Variants in VIL1 observed in about 807,000 individuals in gnomAD.
VIL1 encodes villin-1.
A neutral mutation model predicts 104.0 loss-of-function variants in VIL1; 86 were observed. The ratio of observed to expected loss-of-function variants is 0.83; its 90% CI spans 0.69 to 0.99. VIL1 has a LOEUF of 0.99. VIL1 is among the 50% of genes least tolerant of loss of function. The pLI is 0.00. For missense variants in VIL1, 944 were observed against 1,054.1 expected (o/e 0.90, Z 1.45); for synonymous variants, 394 against 412.6 (o/e 0.95, Z 0.55).
chr2:218,430,672 G>C (rs775657067), intron 9 of VIL1, 53 bp from the exon 10 acceptor site: 3 of 1,528,458 alleles, frequency 2.0e-6, no homozygotes, highest in Non-Finnish European at 2.6e-6. Context: ...GCTTGCATTG[G>C]GAGTGGGGAC....
At chr2:218,444,069 A>T (rs1188755850) in intron 19 of VIL1, among the ~76,000 whole-genome samples, 1 of 152,024 alleles carries the variant, frequency 6.6e-6, no homozygotes. Context: ...TGGTTCAAGC[A>T]ATTCTCCTGC....
chr2:218,448,313 C>T (rs373848414), intron 19 of VIL1, among the ~76,000 whole-genome samples: 39 of 151,984 alleles, frequency 2.6e-4, no homozygotes, highest in African/African-American at 7.7e-4. Flanking sequence ...GCCTGTAATC[C>T]CAGCATTTTG....
chr2:218,450,371 A>T lies in VIL1; in HGVS notation c.*1035A>T, dbSNP rs14998. On this transcript the variant is annotated 3_prime_UTR_variant, in exon 20 of 20. Coordinates refer to ENST00000248444, the MANE Select transcript of VIL1 (RefSeq NM_007127.3). ...GAGGAACAGTTCTGCTAAAACACAG[A>T]TAAAAGTGCCGCTCCATACAAAACA... The T allele has an allele frequency of 1.3e-5, 2 of 152,676 alleles. No individual in the cohort carries two copies. The highest frequency in any genetic ancestry group is 2.4e-5 in the African/African-American group (1 of 41,474). The allele number at this position is 152,676 out of a possible 1,614,324, so 9.5% of individuals were successfully genotyped here.
At chr2:218,448,645 G>A (rs952969987) in intron 19 of VIL1, among the ~76,000 whole-genome samples, 6 of 151,856 alleles carry the variant, frequency 4.0e-5, no homozygotes, top group African/African-American at 7.3e-5. Flanking sequence ...TTGGGCTAAT[G>A]TGAACTTGAC....
chr2:218,431,958 G>A lies in VIL1; in HGVS notation c.1203+1G>A. ...AGATGATGGGAGTGGGGAAGTGCAG[G>A]TATGTGAGGGCAGAGAGGCCCGTGC... is the stretch of plus-strand genomic sequence containing the variant. On this transcript the variant is annotated splice_donor_variant, in intron 11 of 19. Coordinates refer to ENST00000248444, the MANE Select transcript of VIL1 (RefSeq NM_007127.3). LOFTEE classifies it high-confidence loss of function. 6.2e-7 allele frequency: 1 copy of A among 1,614,020 alleles called. No individual in the cohort carries two copies. Among genetic ancestry groups the A allele is most frequent in the Non-Finnish European group, 8.5e-7 (1 of 1,180,002 alleles).
chr2:218,423,897 G>A (rs756377375), intron 2 of VIL1, 44 bp downstream of exon 2: 2 of 1,609,246 alleles, frequency 1.2e-6, no homozygotes, highest in Non-Finnish European at 8.5e-7. Context: ...GCCTGGGGTG[G>A]AGGGAGGCAA....
At chr2:218,424,372 G>A (rs1454243449) in intron 3 of VIL1, 21 bp downstream of exon 3, 7 of 1,612,554 alleles carry the variant, frequency 4.3e-6, no homozygotes, top group Non-Finnish European at 5.1e-6. Context: ...GGCAGGGGAG[G>A]GGGCTGAGCA....
In VIL1 at chr2:218,450,969, C is replaced by T. The variant is rs574582033; in HGVS notation, c.*1633C>T. On this transcript the variant is annotated 3_prime_UTR_variant, in exon 20 of 20. Transcript: ENST00000248444. ...ATGAGACTGCCTGAAGTCTAGTAAT[C>T]AAAGCATGCCATAAGGTGAATGATT... is the stretch of plus-strand genomic sequence containing the variant. 3 of 152,264 alleles carry T rather than the reference C, an allele frequency of 2.0e-5. No individual in the cohort carries two copies. Among genetic ancestry groups the T allele is most frequent in the Admixed American group, 1.3e-4 (2 of 15,302 alleles). The allele number at this position is 152,264 out of a possible 1,614,324, so 9.4% of individuals were successfully genotyped here.
chr2:218,423,403 G>A (rs1399080417), intron 1 of VIL1, among the ~76,000 whole-genome samples: 1 of 151,980 alleles, frequency 6.6e-6, no homozygotes, highest in Non-Finnish European at 1.5e-5. Flanking sequence ...TCAAAAAGAA[G>A]AAGAAGAAAA....
chr2:218,434,152 G>A (rs1187278666), intron 13 of VIL1, among the ~76,000 whole-genome samples: 1 of 138,532 alleles, frequency 7.2e-6, no homozygotes, highest in African/African-American at 2.7e-5. Context: ...AGCTGAGATA[G>A]TGCCATTGCA....
chr2:218,420,286 G>A (rs1688877247), intron 1 of VIL1, among the ~76,000 whole-genome samples: 1 of 151,852 alleles, frequency 6.6e-6, no homozygotes, highest in Non-Finnish European at 1.5e-5. Context: ...ATAATTAGCT[G>A]GGTGTGCTCG....
intron 1 of VIL1, among the ~76,000 whole-genome samples, chr2:218,419,687 G>C (rs1289351058): frequency 6.6e-6 from 1 of 152,222 alleles, no homozygotes; most frequent in Non-Finnish European, 1.5e-5. Context: ...GGCACACACA[G>C]AGGCAAGGGC....
At chr2:218,424,464 C>A (rs1325693653) in intron 3 of VIL1, 113 bp downstream of exon 3, 4 of 1,147,400 alleles carry the variant, frequency 3.5e-6, no homozygotes, top group East Asian at 4.8e-5. Flanking sequence ...CCCCAAGACA[C>A]AATTTACTGG....
intron 4 of VIL1, among the ~76,000 whole-genome samples, chr2:218,426,792 C>A (rs1360891967): frequency 6.6e-6 from 1 of 151,980 alleles, no homozygotes; most frequent in Non-Finnish European, 1.5e-5. Flanking sequence ...TTAGTAGAGA[C>A]AGGGTTTCAC....
chr2:218,439,416 C>A (rs1211758722), intron 18 of VIL1, among the ~76,000 whole-genome samples: 1 of 152,130 alleles, frequency 6.6e-6, no homozygotes, highest in South Asian at 2.1e-4. Flanking sequence ...TGTAGTTAGT[C>A]CATGGACTAC....
intron 19 of VIL1, among the ~76,000 whole-genome samples, chr2:218,443,108 C>G (rs2106397122): frequency 6.6e-6 from 1 of 152,248 alleles, no homozygotes; most frequent in South Asian, 2.1e-4. Context: ...ACTTGCCTAA[C>G]ATTACTAGTT....
intron 19 of VIL1, among the ~76,000 whole-genome samples, chr2:218,447,740 GTTT>G (rs71403038): frequency 6.7e-6 from 1 of 148,446 alleles, no homozygotes; most frequent in African/African-American, 2.5e-5. Flanking sequence ...ACTTTGTTTT[GTTT>G]TTTTTTTGAG....
intron 13 of VIL1, among the ~76,000 whole-genome samples, chr2:218,433,420 G>T (rs184428516): frequency 6.6e-6 from 1 of 151,486 alleles, no homozygotes; most frequent in African/African-American, 2.4e-5. Flanking sequence ...GGGCAACAGA[G>T]GGAGACTCCA....
chr2:218,425,911 G>C, intron 4 of VIL1, 100 bp downstream of exon 4: 1 of 1,295,800 alleles, frequency 7.7e-7, no homozygotes, highest in Non-Finnish European at 1.0e-6. Flanking sequence ...GACCTGTTCA[G>C]GCCTGGGAAG....
Sources: allele counts gnomAD v4.1 joint callset (sites outside exome capture counted in the v4.1 genomes callset), GRCh38; gene constraint gnomAD v4.1.1; transcripts MANE v1.5; gene names NCBI Gene and HGNC (gene_info 2026-07-23, HGNC 2026-07-21).